Variants in VEPH1 observed in about 807,000 individuals in gnomAD.
VEPH1 encodes the protein ventricular zone-expressed PH domain-containing protein homolog 1.
In VEPH1, 80 loss-of-function variants were observed where a neutral mutation model predicts 85.2. That is an observed-to-expected ratio of 0.94 (90% CI 0.78 to 1.13). VEPH1 has a LOEUF of 1.13. Among genes scored for constraint, VEPH1 ranks in the 50% most tolerant of loss-of-function variants. VEPH1 has a pLI of 0.00. For missense variants in VEPH1, 955 were observed against 980.5 expected (o/e 0.97, Z 0.35); for synonymous variants, 297 against 348.0 (o/e 0.85, Z 1.63).
chr3:157,300,207 C>G (rs1486454021), intron 11 of VEPH1, among the ~76,000 whole-genome samples: 1 of 152,164 alleles, frequency 6.6e-6, no homozygotes, highest in East Asian at 1.9e-4. Context: ...AAGGATTTTA[C>G]TCATGCACTG....
At chr3:157,498,757 C>T (rs928959918) in intron 1 of VEPH1, among the ~76,000 whole-genome samples, 4 of 152,166 alleles carry the variant, frequency 2.6e-5, no homozygotes, top group Admixed American at 2.6e-4. Flanking sequence ...TCTGGCTTCT[C>T]CTGCTGTTCT....
At chr3:157,460,026 C>T (rs758219881) in intron 4 of VEPH1, 155 bp downstream of exon 4, 1 of 1,563,052 alleles carries the variant, frequency 6.4e-7, no homozygotes, top group East Asian at 2.3e-5. Flanking sequence ...ATTAAGTAAC[C>T]TTTTGCATGT....
chr3:157,375,292 G>A (rs1453108747), intron 7 of VEPH1, among the ~76,000 whole-genome samples: 1 of 152,152 alleles, frequency 6.6e-6, no homozygotes, highest in African/African-American at 2.4e-5. Context: ...AGTTTGTGTT[G>A]TGGACTCAGT....
intron 7 of VEPH1, among the ~76,000 whole-genome samples, chr3:157,376,727 T>C (rs1248345841): frequency 6.6e-6 from 1 of 152,266 alleles, no homozygotes; most frequent in Non-Finnish European, 1.5e-5. Flanking sequence ...AAGCCTCCTG[T>C]CTGCTTCAGT....
chr3:157,475,570 T>A lies in VEPH1; in HGVS notation c.139-5041A>T, dbSNP rs74707565. 7.2e-3 allele frequency among the ~76,000 whole-genome samples: 1,099 copies of A among 152,286 alleles called. 16 individuals are homozygous for A. The highest frequency in any genetic ancestry group is 0.025 in the African/African-American group (1,052 of 41,558). The stretch of plus-strand genomic sequence containing the variant: ...AAAAAGCCAGAGTGCACAAATAAGC[T>A]GTGTGAACAGGTGACCCGGACCCCT... On this transcript the variant is annotated intron_variant, in intron 2 of 13. Transcript: ENST00000362010.
chr3:157,412,099 C>T (rs1396194758), intron 6 of VEPH1, among the ~76,000 whole-genome samples: 1 of 152,134 alleles, frequency 6.6e-6, no homozygotes, highest in Non-Finnish European at 1.5e-5. Flanking sequence ...TTCCCCTTTG[C>T]CTTCCACCAT....
rs895452393 is a variant in VEPH1, at chr3:157,270,346, C to T, written c.2129-4684G>A. ...CACCACAATTTGGCTAGGACATTCT[C>T]TACTAACATGGATCTGTTTATTTTT... On this transcript the variant is annotated intron_variant, in intron 12 of 13. Transcript: ENST00000362010. Among the ~76,000 whole-genome samples the T allele has an allele frequency of 4.0e-5, 6 of 151,808 alleles. No individual in the cohort carries two copies. In the East Asian group the frequency reaches 1.2e-3, roughly 29 times the overall value.
intron 11 of VEPH1, among the ~76,000 whole-genome samples, chr3:157,299,725 A>G (rs1027233085): frequency 4.6e-5 from 7 of 152,156 alleles, no homozygotes; most frequent in East Asian, 1.9e-4. Context: ...CCCACAGCCT[A>G]TGAGAGGCAC....
chr3:157,323,576 C>T (rs1467361044), intron 9 of VEPH1, among the ~76,000 whole-genome samples: 2 of 152,140 alleles, frequency 1.3e-5, no homozygotes, highest in African/African-American at 2.4e-5. Flanking sequence ...ATGTGTGGGA[C>T]GTCCCTACCC....
At chr3:157,311,355 G>A (rs1720088665) in intron 11 of VEPH1, among the ~76,000 whole-genome samples, 1 of 152,222 alleles carries the variant, frequency 6.6e-6, no homozygotes, top group South Asian at 2.1e-4. Context: ...ATACACACAT[G>A]GCCATCTCTT....
At chr3:157,496,165 T>C (rs1739651323) in intron 1 of VEPH1, among the ~76,000 whole-genome samples, 1 of 152,220 alleles carries the variant, frequency 6.6e-6, no homozygotes, top group Non-Finnish European at 1.5e-5. Flanking sequence ...ATGAACATGA[T>C]AGCCTTGCCA....
chr3:157,480,080 T>TTC (rs1258284548), intron 2 of VEPH1, among the ~76,000 whole-genome samples: 9 of 84,630 alleles, frequency 1.1e-4, no homozygotes, highest in East Asian at 6.3e-4. Context: ...CTTTCTTTCT[T>TTC]TCTGTCTCTC....
chr3:157,402,933 T>C (rs1031271512), intron 6 of VEPH1, among the ~76,000 whole-genome samples: 4 of 152,180 alleles, frequency 2.6e-5, no homozygotes, highest in African/African-American at 4.8e-5. Context: ...AACTGTTAGA[T>C]GCATATTTTC....
intron 4 of VEPH1, among the ~76,000 whole-genome samples, chr3:157,433,379 T>G (rs1733312639): frequency 6.6e-6 from 1 of 152,200 alleles, no homozygotes; most frequent in Admixed American, 6.5e-5. Context: ...TATTTATGTT[T>G]TTTTCAGTTT....
At chr3:157,466,499 T>C (rs1437393906) in intron 3 of VEPH1, among the ~76,000 whole-genome samples, 2 of 152,352 alleles carry the variant, frequency 1.3e-5, no homozygotes, top group East Asian at 3.9e-4. Flanking sequence ...ACTACTTCTA[T>C]TGAGTACTTA....
At chr3:157,452,033 G>C (rs1366778852) in intron 4 of VEPH1, among the ~76,000 whole-genome samples, 1 of 152,168 alleles carries the variant, frequency 6.6e-6, no homozygotes, top group Non-Finnish European at 1.5e-5. Flanking sequence ...AAAATTTGGA[G>C]ATTTCAAATA....
intron 5 of VEPH1, among the ~76,000 whole-genome samples, chr3:157,420,995 C>T (rs1448678742): frequency 6.6e-6 from 1 of 152,156 alleles, no homozygotes; most frequent in African/African-American, 2.4e-5. Flanking sequence ...AGTTGATCAC[C>T]CAGCCTTTTT....
chr3:157,350,556 G>A (rs914482987), intron 9 of VEPH1, among the ~76,000 whole-genome samples: 11 of 152,050 alleles, frequency 7.2e-5, no homozygotes, highest in African/African-American at 2.7e-4. Flanking sequence ...CACAGCAAAG[G>A]AAATCAATCA....
In VEPH1 at chr3:157,413,870, G is replaced by T. The variant is rs1157723833; in HGVS notation, c.906+11C>A. 1.2e-6 allele frequency: 2 copies of T among 1,611,800 alleles called. No individual in the cohort carries two copies. The highest frequency in any genetic ancestry group is 2.7e-5 in the African/African-American group (2 of 74,820). On this transcript the variant is annotated intron_variant, in intron 6 of 13. Coordinates refer to ENST00000362010, the MANE Select transcript of VEPH1 (RefSeq NM_001167912.2). ...AATTCAGGGGAATGGAGAGAAAAAA[G>T]CCAAACTTACTTCATCCACATGCCC...
Sources: gnomAD v4.1 joint callset for allele counts (sites outside exome capture counted in the v4.1 genomes callset) on GRCh38, gnomAD v4.1.1 for gene constraint, MANE v1.5 for transcripts, NCBI Gene and HGNC (gene_info 2026-07-23, HGNC 2026-07-21) for gene names.